The following JMJD8 variants were observed in gnomAD, a reference collection of about 807,000 sequenced individuals.
JMJD8 encodes jmjC domain-containing protein 8.
A neutral mutation model predicts 37.6 loss-of-function variants in JMJD8; 56 were observed. The observed-to-expected ratio is 1.49, with a 90% CI of 1.20 to 1.86. The LOEUF (loss-of-function observed/expected upper bound fraction) is 1.86. Ranked by LOEUF, JMJD8 falls within the 40% of genes most tolerant of loss-of-function variation. The probability of loss-of-function intolerance (pLI) is 0.00; values close to 1 mark genes in which losing one functional copy is unlikely to be tolerated. For synonymous variants in JMJD8, 261 were observed against 163.7 expected, an observed-to-expected ratio of 1.59 and a Z score of -4.54; for missense variants, 542 against 362.7, an observed-to-expected ratio of 1.49 and a Z score of -4.01.
Position 683,277 on chromosome 16 carries a change from CA to C in JMJD8, c.511+44del. The C allele has an allele frequency of 1.9e-6, 3 of 1,612,670 alleles. No homozygotes were observed. In the South Asian group the frequency reaches 3.3e-5, roughly 18 times the overall value. ...CCTGGTGACCAACCCATTTTGTACT[CA>C]CCGACAGAAGCCTCAGTCCTTCCCA... is the stretch of plus-strand genomic sequence containing the variant. On this transcript the variant is annotated intron_variant, in intron 6 of 8. Coordinates refer to ENST00000609261, the MANE Select transcript of JMJD8 (RefSeq NM_001005920.4).
At position 684,260 on chromosome 16, in the gene JMJD8, G is replaced by A; in HGVS notation, c.60C>T (p.Gly20=). Residue 20 remains glycine (G), a synonymous_variant, in exon 1 of 9, where the codon GGC becomes GGT. Coordinates refer to ENST00000609261, the MANE Select transcript of JMJD8 (RefSeq NM_001005920.4). ...LWALAAVALP[G]SGAEGDGGWR... ...ACCCGCCGTCGCCCTCCGCCCCGGA[G>A]CCGGGTAGAGCCACAGCCGCCAGCG... The A allele has an allele frequency of 7.2e-7, 1 of 1,387,010 alleles. No homozygotes were observed. The highest frequency in any genetic ancestry group is 2.6e-4 in the Middle Eastern group (1 of 3,872). The allele number at this position is 1,387,010 out of a possible 1,614,324, so 85.9% of individuals were successfully genotyped here. A position where few individuals can be genotyped will look rare whatever the true frequency, so the allele number is the denominator to read the frequency against.
chr16:683,500 A>AC (rs1234943333), intron 5 of JMJD8, 30 bp downstream of exon 5: 1 of 1,544,404 alleles, frequency 6.5e-7, no homozygotes, highest in Non-Finnish European at 8.7e-7. Flanking sequence ...AAGCGTCCCC[A>AC]CCCCCTACCG....
chr16:683,042 TG>T lies in JMJD8; in HGVS notation c.624del (p.Asn209ThrfsTer112). 1 of 1,613,534 alleles carries T rather than the reference TG, an allele frequency of 6.2e-7. No homozygotes were observed. The highest frequency in any genetic ancestry group is 2.2e-5 in the East Asian group (1 of 44,882). On this transcript the variant is annotated frameshift_variant, in exon 8 of 9. Transcript: ENST00000609261. LOFTEE classifies it high-confidence loss of function. ...YPPEKTPEFH[P>X]NKTTLAWLRD... ...CGGAGCCAGGCCAGCGTGGTCTTGT[TG>T]GGGTGGAACTCTGGCGTCTTCTCAG...
chr16:683,113 C>T (rs920674523), intron 7 of JMJD8, 26 bp from the exon 8 acceptor site: 2 of 1,613,540 alleles, frequency 1.2e-6, no homozygotes, highest in Non-Finnish European at 1.7e-6. Context: ...GCAGTGTCAC[C>T]CTTGCCCGTT....
rs2039777739 is a variant in JMJD8, at chr16:683,421, C to T, written c.412G>A (p.Asp138Asn). The T allele has an allele frequency of 6.4e-6, 10 of 1,552,404 alleles. No homozygotes were observed. The highest frequency in any genetic ancestry group is 4.7e-5 in the South Asian group (4 of 84,276). The change falls in exon 6 of 9, where the codon GAC becomes AAC. Residue 138 changes from aspartate to asparagine, a missense_variant. By Grantham distance (23) the Asp-to-Asn change is conservative (BLOSUM62 1). Transcript: ENST00000609261. ...GAGGCCCACTCGGTGAAGTTGTTGT[C>T]CCCGAAGAAGTACAGGGTGTCTGCC... ...LGNDTLYFFG[D>N]NNFTEWASLF...
In JMJD8 at chr16:682,266, C is replaced by G; in HGVS notation, c.*528G>C. 1.2e-6 allele frequency: 2 copies of G among 1,602,634 alleles called. No individual in the cohort carries two copies. The highest frequency in any genetic ancestry group is 1.7e-6 in the Non-Finnish European group (2 of 1,178,260). ...GCATCACCTACGACCGCAAGGACATCGAGGAGCACCTGCAGGTGAGGCCTG... is the reference window on the plus strand; with the variant it reads ...GCATCACCTACGACCGCAAGGACATGGAGGAGCACCTGCAGGTGAGGCCTG... On this transcript the variant is annotated 3_prime_UTR_variant, in exon 9 of 9. Coordinates refer to ENST00000609261, the MANE Select transcript of JMJD8 (RefSeq NM_001005920.4).
chr16:683,634 A>G, intron 4 of JMJD8, 36 bp from the exon 5 acceptor site: 3 of 1,576,866 alleles, frequency 1.9e-6, no homozygotes, highest in Non-Finnish European at 2.6e-6. Flanking sequence ...CGTCTGGTCC[A>G]GCCGCCCCGG....
Position 684,025 on chromosome 16 carries a change from G to A in JMJD8, c.176+41C>T, listed in dbSNP as rs373431881. On this transcript the variant is annotated intron_variant, in intron 2 of 8. Transcript: ENST00000609261. ...CTTGGGCGGTCGGGGCAGACGGGCC[G>A]GTGAACAGGACGCGACCTCCGCGAT... 1.2e-4 allele frequency: 189 copies of A among 1,569,812 alleles called. No homozygotes were observed. The African/African-American group carries it at 2.3e-3, about 19-fold the overall frequency.
At position 684,089 on chromosome 16, in the gene JMJD8, G is replaced by A. The variant is rs1055513121; in HGVS notation, c.153C>T (p.Leu51=). ...ERCTVERRAD[L]TYAEFVQQYA... Reference sequence around the variant, plus strand: ...ACTGCTGCACGAACTCCGCGTAGGTGAGGTCGGCCCGACGCTCCACCGTGC... The same window carrying A: ...ACTGCTGCACGAACTCCGCGTAGGTAAGGTCGGCCCGACGCTCCACCGTGC... The change falls in exon 2 of 9, where the codon CTC becomes CTT. Residue 51 remains leucine (L), a synonymous_variant. Coordinates refer to ENST00000609261, the MANE Select transcript of JMJD8 (RefSeq NM_001005920.4). The A allele has an allele frequency of 8.9e-6, 14 of 1,576,118 alleles. No individual in the cohort carries two copies. In the African/African-American group the frequency reaches 9.4e-5, roughly 11 times the overall value.
In JMJD8 at chr16:683,557, G is replaced by A. The variant is rs1781786424; in HGVS notation, c.364C>T (p.Pro122Ser). The change falls in exon 5 of 9, where the codon CCC (proline) becomes TCC (serine). Residue 122 changes from proline (P) to serine (S), a missense_variant. By Grantham distance (74) the Pro-to-Ser change is moderately conservative. Transcript: ENST00000609261. Reference protein sequence around the residue: ...FQEYVEQLLHPQDPTSLGNDT... With the variant: ...FQEYVEQLLHSQDPTSLGNDT... ...TTGCCCAGGGAGGTGGGGTCCTGGG[G>A]GTGCAGCAGCTGCTCCACATACTCC... The A allele has an allele frequency of 1.3e-6, 2 of 1,570,828 alleles. No homozygotes were observed. Among genetic ancestry groups the A allele is most frequent in the Non-Finnish European group, 8.6e-7 (1 of 1,157,972 alleles).
Position 681,735 on chromosome 16 carries a change from G to C in JMJD8, c.*1059C>G. 2 of 1,553,876 alleles carry C rather than the reference G, an allele frequency of 1.3e-6. No homozygotes were observed. The highest frequency in any genetic ancestry group is 1.7e-6 in the Non-Finnish European group (2 of 1,143,930). On this transcript the variant is annotated 3_prime_UTR_variant, in exon 9 of 9. Transcript: ENST00000609261. ...AGTGTGGATGTTAGCTCTGAGATTGGGGTGTGGTCAGACATCTGGCCAGGT... is the reference window on the plus strand; with the variant it reads ...AGTGTGGATGTTAGCTCTGAGATTGCGGTGTGGTCAGACATCTGGCCAGGT...
At position 683,850 on chromosome 16, in the gene JMJD8, C is replaced by T. The variant is rs979849821; in HGVS notation, c.225+11G>A. The T allele has an allele frequency of 5.1e-6, 8 of 1,583,710 alleles. No homozygotes were observed. The highest frequency in any genetic ancestry group is 1.7e-4 in the Middle Eastern group (1 of 6,046). Reference sequence around the variant, plus strand: ...GCGAGAGTGGCCGGGGACGGACGGGCACGCGCTCACCGAGTTGTCCGTGAG... The same window carrying T: ...GCGAGAGTGGCCGGGGACGGACGGGTACGCGCTCACCGAGTTGTCCGTGAG... On this transcript the variant is annotated intron_variant, in intron 3 of 8. Transcript: ENST00000609261.
At chr16:682,896 G>C in intron 8 of JMJD8, 22 bp from the exon 9 acceptor site, 1 of 1,612,730 alleles carries the variant, frequency 6.2e-7, no homozygotes, top group Non-Finnish European at 8.5e-7. Flanking sequence ...AGGGGGTGCA[G>C]CAGAGATTAG....
Position 684,269 on chromosome 16 carries a change from A to T in JMJD8, c.51T>A (p.Ala17=). The change falls in exon 1 of 9, where the codon GCT becomes GCA. Residue 17 remains alanine, a synonymous_variant. Transcript: ENST00000609261. Reference sequence around the variant, plus strand: ...CGCCCTCCGCCCCGGAGCCGGGTAGAGCCACAGCCGCCAGCGCCCAGAGCG... The same window carrying T: ...CGCCCTCCGCCCCGGAGCCGGGTAGTGCCACAGCCGCCAGCGCCCAGAGCG... ...LLALWALAAV[A]LPGSGAEGDG... 7.0e-7 allele frequency: 1 copy of T among 1,434,972 alleles called. No individual in the cohort carries two copies. Among genetic ancestry groups the T allele is most frequent in the South Asian group, 1.4e-5 (1 of 70,062 alleles). The allele number at this position is 1,434,972 out of a possible 1,614,324, so 88.9% of individuals were successfully genotyped here.
chr16:682,636 G>C lies in JMJD8; in HGVS notation c.*158C>G. 7.0e-7 allele frequency: 1 copy of C among 1,425,206 alleles called. No individual in the cohort carries two copies. Among genetic ancestry groups the C allele is most frequent in the Non-Finnish European group, 9.6e-7 (1 of 1,042,926 alleles). 88.3% of individuals were successfully genotyped at this position (1,425,206 alleles called of 1,614,324 possible). A position where few individuals can be genotyped will look rare whatever the true frequency, so the allele number is the denominator to read the frequency against. ...CTGGACTGTTTCCCCTCTCAGCATC[G>C]CTTTTGCTGGGCCGTGATCGTCCCC... On this transcript the variant is annotated 3_prime_UTR_variant, in exon 9 of 9. Coordinates refer to ENST00000609261, the MANE Select transcript of JMJD8 (RefSeq NM_001005920.4).
At position 683,456 on chromosome 16, in the gene JMJD8, G is replaced by A. The variant is rs2039780514; in HGVS notation, c.392-15C>T. ...GTACAGGGTGTCTGCCAACAGAGAC[G>A]GCGGGGACAGGGATCCTGGCACCTG... On this transcript the variant is annotated splice_polypyrimidine_tract_variant and intron_variant, in intron 5 of 8. Transcript: ENST00000609261. The A allele has an allele frequency of 5.8e-6, 9 of 1,550,466 alleles. No individual in the cohort carries two copies. Among genetic ancestry groups the A allele is most frequent in the Middle Eastern group, 1.7e-4 (1 of 5,994 alleles).
rs905180940 is a variant in JMJD8, at chr16:683,504, C to G, written c.391+26G>C. ...CTGGAGACTCCAAGCGTCCCCACCC[C>G]CTACCGCCGCCTAGGGCTGCCTCAC... On this transcript the variant is annotated intron_variant, in intron 5 of 8. Transcript: ENST00000609261. The G allele has an allele frequency of 3.2e-6, 5 of 1,544,424 alleles. No homozygotes were observed. In the East Asian group the frequency reaches 1.2e-4, roughly 38 times the overall value.
Position 681,997 on chromosome 16 carries a change from G to A in JMJD8, c.*797C>T. The A allele has an allele frequency of 1.9e-6, 3 of 1,611,870 alleles. No individual in the cohort carries two copies. Among genetic ancestry groups the A allele is most frequent in the East Asian group, 2.2e-5 (1 of 44,838 alleles). On this transcript the variant is annotated 3_prime_UTR_variant, in exon 9 of 9. Transcript: ENST00000609261. ...GAGGGAGGTGGGGTGTCTCCCCCAA[G>A]CACAGCACTCAACTCTTCACAGGAC...
rs756907284 is a variant in JMJD8 at position 684,171 on chromosome 16, G to C, written c.87-16C>G. 2.5e-5 allele frequency: 34 copies of C among 1,362,808 alleles called. No homozygotes were observed. The highest frequency in any genetic ancestry group is 3.5e-5 in the South Asian group (2 of 57,968). The allele number at this position is 1,362,808 out of a possible 1,614,324, so 84.4% of individuals were successfully genotyped here. A position where few individuals can be genotyped will look rare whatever the true frequency, so the allele number is the denominator to read the frequency against. On this transcript the variant is annotated splice_polypyrimidine_tract_variant and intron_variant, in intron 1 of 8. Coordinates refer to ENST00000609261, the MANE Select transcript of JMJD8 (RefSeq NM_001005920.4). ...GCCCGGGCGCCTGCGGGCACAGCTG[G>C]GTCAGCCCGCGCCCCGCCCGCCGCA... is the stretch of plus-strand genomic sequence containing the variant.
Sources: gnomAD v4.1 joint callset for allele counts on GRCh38, gnomAD v4.1.1 for gene constraint, MANE v1.5 for transcripts, NCBI Gene and HGNC (gene_info 2026-07-23, HGNC 2026-07-21) for gene names.